The following CASKIN2 variants were observed in gnomAD, a reference collection of about 807,000 sequenced individuals.
The protein encoded by CASKIN2 is CASK interacting protein 2, also known as caskin-2.
In CASKIN2, 41 loss-of-function variants were observed where a neutral mutation model predicts 107.1. The observed-to-expected ratio is 0.38, with a 90% CI of 0.30 to 0.50. The LOEUF (loss-of-function observed/expected upper bound fraction) is 0.50. CASKIN2 is among the 20% of genes least tolerant of loss of function. CASKIN2 has a pLI of 0.92. For synonymous variants in CASKIN2, 724 were observed against 705.6 expected, an observed-to-expected ratio of 1.03 and a Z score of -0.41; for missense variants, 1,546 against 1,657.4, an observed-to-expected ratio of 0.93 and a Z score of 1.17.
chr17:75,503,836 C>T lies in CASKIN2; in HGVS notation c.1578+16G>A, dbSNP rs778363930. 74 of 1,611,264 alleles carry T rather than the reference C, an allele frequency of 4.6e-5. No individual in the cohort carries two copies. Among genetic ancestry groups the T allele is most frequent in the African/African-American group, 2.5e-4 (19 of 74,920 alleles). ...CCCCCGCCCGCTGGGTGCTGCTTCC[C>T]GGCTGCAGCACCCACCTCAGGTGTC... On this transcript the variant is annotated intron_variant, in intron 15 of 19. Transcript: ENST00000321617.
chr17:75,503,544 C>T lies in CASKIN2; in HGVS notation c.1681-17G>A, dbSNP rs1164688357. The T allele has an allele frequency of 6.2e-7, 1 of 1,604,950 alleles. No homozygotes were observed. Among genetic ancestry groups the T allele is most frequent in the Non-Finnish European group, 8.5e-7 (1 of 1,177,284 alleles). The stretch of plus-strand genomic sequence containing the variant: ...CAGGTCCGTCTGGAAGAGCACCGTC[C>T]TCAGAACAACTCCCAGCCAGCCTCC... On this transcript the variant is annotated splice_polypyrimidine_tract_variant and intron_variant, in intron 16 of 19. Coordinates refer to ENST00000321617, the MANE Select transcript of CASKIN2 (RefSeq NM_020753.5).
Position 75,506,780 on chromosome 17 carries a change from C to G in CASKIN2, c.486+19G>C. On this transcript the variant is annotated intron_variant, in intron 6 of 19. Coordinates refer to ENST00000321617, the MANE Select transcript of CASKIN2 (RefSeq NM_020753.5). This position sits in a 1 kb window ranked among gnomAD's most constrained non-coding sequence, Gnocchi z 4.8. ...CTGTAGATGTCCAGGACCCAGCACC[C>G]CAAGGCTGCAGGCCTCACCTTGAGT... is the stretch of plus-strand genomic sequence containing the variant. The G allele has an allele frequency of 6.2e-7, 1 of 1,613,828 alleles. No homozygotes were observed. The highest frequency in any genetic ancestry group is 8.5e-7 in the Non-Finnish European group (1 of 1,179,996).
intron 2 of CASKIN2, among the ~76,000 whole-genome samples, chr17:75,513,240 G>A (rs1441533411): frequency 1.9e-4 from 29 of 151,996 alleles, no homozygotes; most frequent in Admixed American, 1.9e-3. Flanking sequence ...TGGAGTTCGA[G>A]ACCAGTCTGG....
chr17:75,509,924 G>A (rs896800026), intron 2 of CASKIN2: 24 of 985,720 alleles, frequency 2.4e-5, no homozygotes, highest in Non-Finnish European at 2.9e-5. Context: ...CAAGGGCCAG[G>A]CTGGGTGGCT....
At position 75,507,086 on chromosome 17, in the gene CASKIN2, C is replaced by T. The variant is rs1381315811; in HGVS notation, c.288G>A (p.Glu96=). ...AGGCGCGCAGCAGCAGCCTCACAGG[C>T]TCCAGCCGGCCCTGCCAGGCTGCGT... ...LHYAAWQGRL[E]PVRLLLRASA... The change falls in exon 5 of 20, where the codon GAG becomes GAA. Residue 96 remains glutamate, a synonymous_variant. Transcript: ENST00000321617. 1.2e-6 allele frequency: 2 copies of T among 1,611,246 alleles called. No individual in the cohort carries two copies. Among genetic ancestry groups the T allele is most frequent in the Non-Finnish European group, 1.7e-6 (2 of 1,179,458 alleles).
intron 3 of CASKIN2, 44 bp downstream of exon 3, chr17:75,508,190 C>T: frequency 1.9e-6 from 3 of 1,607,766 alleles, no homozygotes; most frequent in Non-Finnish European, 2.6e-6. Flanking sequence ...GGCTCTACTG[C>T]CCCCACCCAG....
chr17:75,513,674 C>G (rs368128824), intron 2 of CASKIN2, 37 bp downstream of exon 2: 1 of 1,524,822 alleles, frequency 6.6e-7, no homozygotes, highest in Admixed American at 1.7e-5. Flanking sequence ...ACTGAGCGCT[C>G]GGCCTCAGCG....
In CASKIN2 at chr17:75,503,492, C is replaced by T; in HGVS notation, c.1716G>A (p.Leu572=). 2 of 1,612,104 alleles carry T rather than the reference C, an allele frequency of 1.2e-6. No individual in the cohort carries two copies. Among genetic ancestry groups the T allele is most frequent in the South Asian group, 1.1e-5 (1 of 91,088 alleles). Residue 572 remains leucine, a synonymous_variant, in exon 17 of 20, where the codon CTG becomes CTA. Coordinates refer to ENST00000321617, the MANE Select transcript of CASKIN2 (RefSeq NM_020753.5). ...DLLEWLCALG[L]PQYHKQLVSS... ...TCACCAGCTGCTTGTGGTACTGTGG[C>T]AGCCCCAGTGCACACAGCCACTCCA...
Position 75,503,179 on chromosome 17 carries a change from AG to A in CASKIN2, c.1894del (p.Leu632SerfsTer14). 6.2e-7 allele frequency: 1 copy of A among 1,602,484 alleles called. No individual in the cohort carries two copies. ...LRRGLLQGEALSEGGRRLAKG... is the reference protein window; with the variant it reads ...LRRGLLQGEAXSEGGRRLAKG... Reference sequence around the variant, plus strand: ...GGCCAGCCGGCGCCCGCCTTCGCTGAGGGCCTCCCCCTGCAGCAGGCCCCGC... The same window carrying A: ...GGCCAGCCGGCGCCCGCCTTCGCTGAGGCCTCCCCCTGCAGCAGGCCCCGC... On this transcript the variant is annotated frameshift_variant, in exon 18 of 20. Transcript: ENST00000321617. LOFTEE classifies it high-confidence loss of function.
chr17:75,506,229 G>A lies in CASKIN2; in HGVS notation c.726+76C>T, dbSNP rs1598466814. The A allele has an allele frequency of 9.2e-6, 12 of 1,309,706 alleles. No homozygotes were observed. Among genetic ancestry groups the A allele is most frequent in the South Asian group, 2.4e-5 (2 of 81,858 alleles). The allele number at this position is 1,309,706 out of a possible 1,614,324, so 81.1% of individuals were successfully genotyped here. A position where few individuals can be genotyped will look rare whatever the true frequency, so the allele number is the denominator to read the frequency against. ...AAACCACGCTGGAGTCCTCCGTCCC[G>A]TACCTCCCCAGCCAGTCAGGGGCAC... On this transcript the variant is annotated intron_variant, in intron 8 of 19. Transcript: ENST00000321617. The surrounding 1 kb of genome is among the most constrained non-coding windows in gnomAD (Gnocchi z 4.8).
rs2053247686 is a variant in CASKIN2 at position 75,504,858 on chromosome 17, A to G, written c.1146T>C (p.Leu382=). 2.5e-6 allele frequency: 4 copies of G among 1,611,380 alleles called. No individual in the cohort carries two copies. Among genetic ancestry groups the G allele is most frequent in the Non-Finnish European group, 3.4e-6 (4 of 1,179,376 alleles). Residue 382 remains leucine (L), a synonymous_variant, in exon 11 of 20, where the codon CTT becomes CTC. Transcript: ENST00000321617. ...QPPAEEPPHP[L]TYSQLPRVGL... ...CCACCCGAGGAAGCTGGCTGTAGGT[A>G]AGAGGGTGCGGGGGTTCTTCGGCAG...
At position 75,505,224 on chromosome 17, in the gene CASKIN2, C is replaced by G; in HGVS notation, c.931-151G>C. On this transcript the variant is annotated intron_variant, in intron 10 of 19. Coordinates refer to ENST00000321617, the MANE Select transcript of CASKIN2 (RefSeq NM_020753.5). The surrounding 1 kb of genome is among the most constrained non-coding windows in gnomAD (Gnocchi z 5.1). ...TCTGATGCCCACACTGGCCCAAGTTCCGCCCCTGCTGCCAGCAGCCAGCTC... is the reference window on the plus strand; with the variant it reads ...TCTGATGCCCACACTGGCCCAAGTTGCGCCCCTGCTGCCAGCAGCCAGCTC... 1 of 875,444 alleles carries G rather than the reference C, an allele frequency of 1.1e-6. No individual in the cohort carries two copies. 54.2% of individuals were successfully genotyped at this position (875,444 alleles called of 1,614,324 possible).
At position 75,503,983 on chromosome 17, in the gene CASKIN2, G is replaced by A. The variant is rs751374203; in HGVS notation, c.1468-21C>T. The A allele has an allele frequency of 6.9e-6, 11 of 1,590,254 alleles. No homozygotes were observed. In the Middle Eastern group the frequency reaches 5.8e-4, roughly 83 times the overall value. ...GCGTCCTGCGGGGTGGGGGAAGGGG[G>A]CAGAATTAGCAGGAGCTGGACCAAG... On this transcript the variant is annotated intron_variant, in intron 14 of 19. Coordinates refer to ENST00000321617, the MANE Select transcript of CASKIN2 (RefSeq NM_020753.5).
At chr17:75,507,793 C>A (rs995317940) in intron 3 of CASKIN2, 112 bp from the exon 4 acceptor site, 8 of 763,338 alleles carry the variant, frequency 1.0e-5, no homozygotes, top group Middle Eastern at 2.4e-4. Flanking sequence ...GGTTACTGGC[C>A]CCCCCAACCC....
Position 75,505,681 on chromosome 17 carries a change from A to T in CASKIN2, c.836-30T>A. On this transcript the variant is annotated intron_variant, in intron 9 of 19. Coordinates refer to ENST00000321617, the MANE Select transcript of CASKIN2 (RefSeq NM_020753.5). The surrounding 1 kb of genome is among the most constrained non-coding windows in gnomAD (Gnocchi z 5.1). ...GAAAACGGGGTGGGGGACAGGTGTCATCTAAGGGTCCTTAGGGCATCTTCC... is the reference window on the plus strand; with the variant it reads ...GAAAACGGGGTGGGGGACAGGTGTCTTCTAAGGGTCCTTAGGGCATCTTCC... 1 of 1,600,952 alleles carries T rather than the reference A, an allele frequency of 6.2e-7. No homozygotes were observed. The highest frequency in any genetic ancestry group is 8.5e-7 in the Non-Finnish European group (1 of 1,170,532).
rs2053252240 is a variant in CASKIN2 at position 75,505,190 on chromosome 17, G to T, written c.931-117C>A. 3 of 1,194,324 alleles carry T rather than the reference G, an allele frequency of 2.5e-6. No individual in the cohort carries two copies. The South Asian group carries it at 4.0e-5, about 16-fold the overall frequency. 74.0% of individuals were successfully genotyped at this position (1,194,324 alleles called of 1,614,324 possible). ...GTCCAGCTCTTTCCCTACCCCTAAG[G>T]AGCTGGCCTCTGATGCCCACACTGG... On this transcript the variant is annotated intron_variant, in intron 10 of 19. Transcript: ENST00000321617. The surrounding 1 kb of genome is among the most constrained non-coding windows in gnomAD (Gnocchi z 5.1).
At chr17:75,508,513 G>A (rs944746026) in intron 2 of CASKIN2, among the ~76,000 whole-genome samples, 13 of 152,200 alleles carry the variant, frequency 8.5e-5, no homozygotes, top group East Asian at 1.9e-4. Flanking sequence ...GCTTCCCCTC[G>A]CCCCAGTCCC....
Position 75,502,905 on chromosome 17 carries a change from A to C in CASKIN2, c.2169T>G (p.Asp723Glu), listed in dbSNP as rs145644586. The change falls in exon 18 of 20, where the codon GAT (aspartate) becomes GAG (glutamate). Residue 723 changes from aspartate (D) to glutamate (E), a missense_variant. This residue lies in a region of CASKIN2 where 1,311 missense variants were observed against 1,311.0 expected (regional missense o/e 1.00). Transcript: ENST00000321617. The surrounding 1 kb of genome is among the most constrained non-coding windows in gnomAD (Gnocchi z 4.3). Reference sequence around the variant, plus strand: ...GGTTCCTCTCCTGGGGGGGGCTGGGATCTCCACCGCTGGGCTGTGGGGCAG... The same window carrying C: ...GGTTCCTCTCCTGGGGGGGGCTGGGCTCTCCACCGCTGGGCTGTGGGGCAG... ...EQPAPQPSGGDPSPPQERNLP... is the reference protein window; with the variant it reads ...EQPAPQPSGGEPSPPQERNLP... The C allele has an allele frequency of 3.2e-6, 5 of 1,548,144 alleles. No individual in the cohort carries two copies. Among genetic ancestry groups the C allele is most frequent in the Non-Finnish European group, 4.4e-6 (5 of 1,146,432 alleles).
chr17:75,502,981 T>A lies in CASKIN2; in HGVS notation c.2093A>T (p.Gln698Leu), dbSNP rs372520423. The A allele has an allele frequency of 2.5e-6, 4 of 1,604,632 alleles. No homozygotes were observed. The highest frequency in any genetic ancestry group is 3.4e-6 in the Non-Finnish European group (4 of 1,176,184). ...CCGTGAGCGTGCCCCGATGCTCTCC[T>A]GGCTGGGAGAGCGGGCAGGTGGGAG... ...LPLPPARSPS[Q>L]ESIGARSRGS... Residue 698 changes from glutamine to leucine, a missense_variant, in exon 18 of 20, where the codon CAG becomes CTG. By Grantham distance (113) the Gln-to-Leu change is moderately radical (BLOSUM62 -2). Transcript: ENST00000321617. The surrounding 1 kb of genome is among the most constrained non-coding windows in gnomAD (Gnocchi z 4.3).
Sources: gnomAD v4.1 joint callset for allele counts (sites outside exome capture counted in the v4.1 genomes callset) on GRCh38, gnomAD v4.1.1 for gene constraint, gnomAD v4.1.1 regional missense constraint, Gnocchi (gnomAD v3.1) non-coding constraint, MANE v1.5 for transcripts, NCBI Gene and HGNC (gene_info 2026-07-23, HGNC 2026-07-21) for gene names.